SLC25A21: variants seen among roughly 807,000 people sequenced by gnomAD.
SLC25A21 encodes mitochondrial 2-oxodicarboxylate carrier.
A neutral mutation model predicts 43.8 loss-of-function variants in SLC25A21; 47 were observed. The ratio of observed to expected loss-of-function variants is 1.07; its 90% confidence interval spans 0.85 to 1.37. The LOEUF (loss-of-function observed/expected upper bound fraction) is 1.37. SLC25A21 is among the 40% of genes most tolerant of loss of function. SLC25A21 has a pLI of 0.00. For missense variants in SLC25A21, 352 were observed against 350.2 expected (o/e 1.00, Z -0.04); for synonymous variants, 131 against 121.3 (o/e 1.08, Z -0.52).
chr14:36,871,773 G>C (rs1890379458), intron 2 of SLC25A21, among the ~76,000 whole-genome samples: 1 of 152,008 alleles, frequency 6.6e-6, no homozygotes, highest in Admixed American at 6.6e-5. Flanking sequence ...TGGGATACAT[G>C]AACCCAAACC....
At chr14:37,155,747 G>T (rs7142924) in intron 1 of SLC25A21, among the ~76,000 whole-genome samples, 3 of 151,938 alleles carry the variant, frequency 2.0e-5, no homozygotes, top group Non-Finnish European at 2.9e-5. Context: ...GAGAAATAAA[G>T]GCATTCCCAG....
chr14:36,800,307 G>A (rs1460830005), intron 3 of SLC25A21, among the ~76,000 whole-genome samples: 1 of 152,156 alleles, frequency 6.6e-6, no homozygotes, highest in Admixed American at 6.6e-5. Context: ...GAGCCAAAAG[G>A]TGGAGGCAGC....
chr14:36,736,549 A>G (rs1885047607), intron 3 of SLC25A21, among the ~76,000 whole-genome samples: 1 of 152,204 alleles, frequency 6.6e-6, no homozygotes, highest in African/African-American at 2.4e-5. Context: ...CTATATATAT[A>G]ATGATAAAGG....
At chr14:37,132,140 G>C (rs1388431757) in intron 1 of SLC25A21, among the ~76,000 whole-genome samples, 6 of 152,138 alleles carry the variant, frequency 3.9e-5, no homozygotes, top group African/African-American at 1.4e-4. Flanking sequence ...AGAGCAAAAG[G>C]GGGCCAAACT....
intron 1 of SLC25A21, among the ~76,000 whole-genome samples, chr14:36,953,120 G>A (rs551580589): frequency 2.6e-5 from 4 of 152,322 alleles, no homozygotes; most frequent in Non-Finnish European, 5.9e-5. Context: ...TTGAATATCA[G>A]AAAATATTTA....
intron 7 of SLC25A21, among the ~76,000 whole-genome samples, chr14:36,688,940 T>C (rs1178743653): frequency 6.6e-6 from 1 of 152,242 alleles, no homozygotes; most frequent in Non-Finnish European, 1.5e-5. Context: ...GTTTTTCTTC[T>C]TATACTCCTA....
intron 1 of SLC25A21, among the ~76,000 whole-genome samples, chr14:37,147,013 C>T (rs551761502): frequency 6.6e-6 from 1 of 152,294 alleles, no homozygotes; most frequent in African/African-American, 2.4e-5. Flanking sequence ...TTTGGTTCTT[C>T]TCTGCTGTCG....
rs11628335 is a variant in SLC25A21, at chr14:36,807,647, T to C, written c.203+6271A>G. On this transcript the variant is annotated intron_variant, in intron 3 of 9. Transcript: ENST00000331299. ...TCATGGCTTTAAAACCACCCAGCCA[T>C]GTTAGACTAGGTAAACCACTTTTTG... is the stretch of plus-strand genomic sequence containing the variant. Among the ~76,000 whole-genome samples, 142 of 152,304 alleles carry C rather than the reference T, an allele frequency of 9.3e-4. No homozygotes were observed. In the Middle Eastern group the frequency reaches 0.017, roughly 18 times the overall value.
At chr14:36,974,686 G>A (rs1316869197) in intron 1 of SLC25A21, among the ~76,000 whole-genome samples, 1 of 152,092 alleles carries the variant, frequency 6.6e-6, no homozygotes, top group African/African-American at 2.4e-5. Flanking sequence ...GAAGTTACAA[G>A]TATAAACCTG....
At chr14:37,026,848 C>T (rs1378715625) in intron 1 of SLC25A21, among the ~76,000 whole-genome samples, 1 of 152,080 alleles carries the variant, frequency 6.6e-6, no homozygotes, top group Admixed American at 6.6e-5. Context: ...TAATAGTTGT[C>T]CCGTGTGTGG....
chr14:36,769,102 TG>T (rs1448684114), intron 3 of SLC25A21, among the ~76,000 whole-genome samples: 1 of 152,198 alleles, frequency 6.6e-6, no homozygotes, highest in African/African-American at 2.4e-5. Context: ...CACCTGGTAT[TG>T]CTGCAGCTGT....
intron 1 of SLC25A21, among the ~76,000 whole-genome samples, chr14:37,076,485 T>C (rs1293713365): frequency 1.3e-5 from 2 of 150,626 alleles, no homozygotes; most frequent in Non-Finnish European, 3.0e-5. Context: ...TAAGACTTTA[T>C]TTTATTTTTG....
Position 36,680,037 on chromosome 14 carries a change from G to A in SLC25A21, c.*621C>T. 3 of 868,688 alleles carry A rather than the reference G, an allele frequency of 3.5e-6. No homozygotes were observed. The highest frequency in any genetic ancestry group is 2.8e-6 in the Non-Finnish European group (2 of 725,438). The allele number at this position is 868,688 out of a possible 1,614,324, so 53.8% of individuals were successfully genotyped here. On this transcript the variant is annotated 3_prime_UTR_variant, in exon 10 of 10. Coordinates refer to ENST00000331299, the MANE Select transcript of SLC25A21 (RefSeq NM_030631.4). Reference sequence around the variant, plus strand: ...CAGCAATATGAGATATAAAGTAGATGTAGGAAAATAGAGCTGATATGTGCA... The same window carrying A: ...CAGCAATATGAGATATAAAGTAGATATAGGAAAATAGAGCTGATATGTGCA...
intron 2 of SLC25A21, among the ~76,000 whole-genome samples, chr14:36,849,361 G>A (rs537276442): frequency 3.9e-5 from 6 of 152,206 alleles, no homozygotes; most frequent in Admixed American, 6.5e-5. Context: ...TGAATTACAC[G>A]TTTGTGAAAT....
At chr14:37,050,213 T>C (rs1961674918) in intron 1 of SLC25A21, among the ~76,000 whole-genome samples, 1 of 152,206 alleles carries the variant, frequency 6.6e-6, no homozygotes, top group Non-Finnish European at 1.5e-5. Context: ...AAGTGAAGTG[T>C]TTCAAAATTA....
intron 3 of SLC25A21, among the ~76,000 whole-genome samples, chr14:36,810,914 G>GAGAAA (rs372755760): frequency 1.1e-5 from 1 of 94,826 alleles, no homozygotes; most frequent in East Asian, 4.1e-4. Flanking sequence ...GCATATGATA[G>GAGAAA]AGAAAAGAGT....
At chr14:36,867,963 C>G (rs1000393310) in intron 2 of SLC25A21, among the ~76,000 whole-genome samples, 1 of 151,740 alleles carries the variant, frequency 6.6e-6, no homozygotes, top group Non-Finnish European at 1.5e-5. Flanking sequence ...CCAGGCAGCC[C>G]AACTCTAGAG....
At chr14:37,114,639 A>G (rs1000598140) in intron 1 of SLC25A21, among the ~76,000 whole-genome samples, 1 of 152,208 alleles carries the variant, frequency 6.6e-6, no homozygotes, top group Admixed American at 6.5e-5. Context: ...CAGCATGTAG[A>G]AGTATGAAAT....
At chr14:36,851,058 G>C (rs1424127388) in intron 2 of SLC25A21, among the ~76,000 whole-genome samples, 1 of 152,198 alleles carries the variant, frequency 6.6e-6, no homozygotes, top group Non-Finnish European at 1.5e-5. Context: ...TATGCTCTGT[G>C]CAGGGAATTG....
Sources: gnomAD v4.1 joint callset for allele counts (sites outside exome capture counted in the v4.1 genomes callset) on GRCh38, gnomAD v4.1.1 for gene constraint, MANE v1.5 for transcripts, NCBI Gene and HGNC (gene_info 2026-07-23, HGNC 2026-07-21) for gene names.